The following AKR1C4 variants were observed in gnomAD, a reference collection of about 807,000 sequenced individuals.
AKR1C4 encodes the protein aldo-keto reductase family 1 member C4.
Under a neutral mutation model 41.0 loss-of-function variants are expected in AKR1C4, and 44 were observed. That is an observed-to-expected ratio of 1.07 (90% CI 0.84 to 1.38). The LOEUF (loss-of-function observed/expected upper bound fraction) is 1.38. AKR1C4 is among the 40% of genes most tolerant of loss of function. The pLI, the probability that AKR1C4 is intolerant of heterozygous loss-of-function variation, is 0.00. For synonymous variants in AKR1C4, 165 were observed against 137.7 expected (o/e 1.20, Z -1.39); for missense variants, 438 against 387.9 (o/e 1.13, Z -1.09).
In AKR1C4 at chr10:5,215,162, A is replaced by C. The variant is rs1490459495; in HGVS notation, c.847-1549A>C. Among the ~76,000 whole-genome samples, 5 of 152,306 alleles carry C rather than the reference A, an allele frequency of 3.3e-5. No individual in the cohort carries two copies. In the South Asian group the frequency reaches 1.0e-3, roughly 32 times the overall value. On this transcript the variant is annotated intron_variant, in intron 7 of 8. Transcript: ENST00000263126. ...GTGTACATGACTGGTTCATGTACTT[A>C]TAAGATTCGGAAGAATCTGGAGAAA...
chr10:5,200,480 G>C, intron 2 of AKR1C4, 132 bp downstream of exon 2: 1 of 1,397,258 alleles, frequency 7.2e-7, no homozygotes, highest in Non-Finnish European at 9.4e-7. Context: ...ACATATTCAG[G>C]TATTAAAGCT....
rs782237290 is a variant in AKR1C4 at position 5,204,490 on chromosome 10, C to T, written c.366C>T (p.Leu122=). ...DLYLLHFPMA[L]KPGETPLPKD... is the part of the protein sequence containing the mutation. Reference sequence around the variant, plus strand: ...ATCTTCTTCATTTCCCAATGGCTCTCAAGGTAGGGAATTTGTGAGATCAAC... The same window carrying T: ...ATCTTCTTCATTTCCCAATGGCTCTTAAGGTAGGGAATTTGTGAGATCAAC... Residue 122 remains leucine, a synonymous_variant, in exon 3 of 9, where the codon CTC becomes CTT. Coordinates refer to ENST00000263126, the MANE Select transcript of AKR1C4 (RefSeq NM_001818.5). 1 of 1,604,552 alleles carries T rather than the reference C, an allele frequency of 6.2e-7. No homozygotes were observed. The highest frequency in any genetic ancestry group is 8.5e-7 in the Non-Finnish European group (1 of 1,171,480).
chr10:5,210,432 C>T (rs1417727434), intron 5 of AKR1C4, among the ~76,000 whole-genome samples: 3 of 152,306 alleles, frequency 2.0e-5, no homozygotes, highest in East Asian at 3.9e-4. Context: ...TTTCTCAGAG[C>T]TCCACTAGGT....
intron 2 of AKR1C4, chr10:5,202,487 C>T (rs1554797011): frequency 2.2e-6 from 1 of 455,510 alleles, no homozygotes; most frequent in Non-Finnish European, 4.4e-6. Flanking sequence ...AATTTGGATT[C>T]CCTTTATTTT....
At chr10:5,216,613 T>C in intron 7 of AKR1C4, 98 bp from the exon 8 acceptor site, 1 of 792,818 alleles carries the variant, frequency 1.3e-6, no homozygotes, top group Non-Finnish European at 2.0e-6. Flanking sequence ...ATCAAGTATT[T>C]TACATATTGC....
rs574478596 is a variant in AKR1C4, at chr10:5,196,919, G to A, written c.52G>A (p.Val18Ile). 16 of 1,613,670 alleles carry A rather than the reference G, an allele frequency of 9.9e-6. No homozygotes were observed. Among genetic ancestry groups the A allele is most frequent in the African/African-American group, 4.0e-5 (3 of 74,816 alleles). The change falls in exon 1 of 9, where the codon GTA becomes ATA. Residue 18 changes from valine (V) to isoleucine (I), a missense_variant. Coordinates refer to ENST00000263126, the MANE Select transcript of AKR1C4 (RefSeq NM_001818.5). Reference sequence around the variant, plus strand: ...GCTAAATGATGGTCACTTCATGCCCGTATTGGGATTTGGCACCTATGCACC... The same window carrying A: ...GCTAAATGATGGTCACTTCATGCCCATATTGGGATTTGGCACCTATGCACC... ...VELNDGHFMPVLGFGTYAPPE... is the reference protein window; with the variant it reads ...VELNDGHFMPILGFGTYAPPE...
intron 7 of AKR1C4, among the ~76,000 whole-genome samples, chr10:5,215,769 G>T (rs1832647396): frequency 6.6e-6 from 1 of 152,076 alleles, no homozygotes; most frequent in African/African-American, 2.4e-5. Context: ...AAACTTAGTT[G>T]GCCATATTTT....
At position 5,196,873 on chromosome 10, in the gene AKR1C4, T is replaced by G. The variant is rs1191706686; in HGVS notation, c.6T>G (p.Asp2Glu). The G allele has an allele frequency of 2.2e-5, 35 of 1,613,970 alleles. No homozygotes were observed. The highest frequency in any genetic ancestry group is 2.7e-5 in the Non-Finnish European group (32 of 1,179,954). The stretch of plus-strand genomic sequence containing the variant: ...AGTGAAAGAAGTGGCAAGCAATGGA[T>G]CCCAAATATCAGCGTGTAGAGCTAA... M[D>E]PKYQRVELND... Residue 2 changes from aspartate to glutamate, a missense_variant, in exon 1 of 9, where the codon GAT (aspartate) becomes GAG (glutamate). Coordinates refer to ENST00000263126, the MANE Select transcript of AKR1C4 (RefSeq NM_001818.5).
chr10:5,217,757 C>T (rs1488580819), intron 8 of AKR1C4, among the ~76,000 whole-genome samples: 2 of 151,902 alleles, frequency 1.3e-5, no homozygotes, highest in African/African-American at 4.8e-5. Flanking sequence ...AAGACTCAGT[C>T]ATTAAAAAAC....
chr10:5,202,760 C>A (rs1832419754), intron 2 of AKR1C4, among the ~76,000 whole-genome samples: 1 of 151,688 alleles, frequency 6.6e-6, no homozygotes, highest in Non-Finnish European at 1.5e-5. Context: ...GTTTTTAATT[C>A]TCTTTGTGTG....
chr10:5,202,492 T>TG (rs1554797013), intron 2 of AKR1C4: 1 of 455,772 alleles, frequency 2.2e-6, no homozygotes, highest in Non-Finnish European at 4.4e-6. Context: ...GGATTCCCTT[T>TG]ATTTTTTTTA....
chr10:5,202,986 G>A (rs567680873), intron 2 of AKR1C4, among the ~76,000 whole-genome samples: 103 of 125,848 alleles, frequency 8.2e-4, no homozygotes, highest in African/African-American at 3.2e-3. Flanking sequence ...TGTGTGTTAT[G>A]TCCTTTCCTG....
intron 1 of AKR1C4, among the ~76,000 whole-genome samples, chr10:5,197,343 T>G (rs1832327077): frequency 6.6e-6 from 1 of 152,174 alleles, no homozygotes; most frequent in African/African-American, 2.4e-5. Flanking sequence ...CTACTAGACG[T>G]GATCAAAAGA....
chr10:5,203,219 G>A (rs988437322), intron 2 of AKR1C4, among the ~76,000 whole-genome samples: 13 of 151,482 alleles, frequency 8.6e-5, no homozygotes, highest in East Asian at 1.9e-4. Context: ...GCTTTCCCCC[G>A]GGGTTCTGGC....
intron 3 of AKR1C4, among the ~76,000 whole-genome samples, chr10:5,205,479 T>C (rs1832469781): frequency 6.6e-6 from 1 of 152,054 alleles, no homozygotes; most frequent in Non-Finnish European, 1.5e-5. Context: ...CCCAAAAAAA[T>C]TATAGGATCA....
chr10:5,208,697 G>T (rs1385174792), intron 5 of AKR1C4, among the ~76,000 whole-genome samples: 2 of 151,250 alleles, frequency 1.3e-5, no homozygotes, highest in Admixed American at 1.3e-4. Context: ...TCATATCATT[G>T]ATTATCCAGT....
chr10:5,206,256 A>G lies in AKR1C4; in HGVS notation c.448-19A>G. 1 of 1,613,928 alleles carries G rather than the reference A, an allele frequency of 6.2e-7. No individual in the cohort carries two copies. Among genetic ancestry groups the G allele is most frequent in the Middle Eastern group, 1.7e-4 (1 of 6,044 alleles). ...CAGCCAACTGCACAAATAATTCCTC[A>G]CAACCCCTTTCTCCCCAGGTCATGG... On this transcript the variant is annotated intron_variant, in intron 4 of 8. Coordinates refer to ENST00000263126, the MANE Select transcript of AKR1C4 (RefSeq NM_001818.5).
At chr10:5,200,749 T>TCA (rs1564400200) in intron 2 of AKR1C4, among the ~76,000 whole-genome samples, 3 of 152,314 alleles carry the variant, frequency 2.0e-5, no homozygotes, top group African/African-American at 4.8e-5. Flanking sequence ...CTTTTATCCC[T>TCA]CACCTCACTC....
At chr10:5,197,879 G>A (rs901993411) in intron 1 of AKR1C4, among the ~76,000 whole-genome samples, 18 of 152,298 alleles carry the variant, frequency 1.2e-4, no homozygotes, top group Admixed American at 7.8e-4. Flanking sequence ...GGAAGCTCTA[G>A]CCTTGGTAAA....
Sources: allele counts gnomAD v4.1 joint callset (sites outside exome capture counted in the v4.1 genomes callset), GRCh38; gene constraint gnomAD v4.1.1; transcripts MANE v1.5; gene names NCBI Gene and HGNC (gene_info 2026-07-23, HGNC 2026-07-21).